The following SEMA5A variants were observed in gnomAD, a reference collection of about 807,000 sequenced individuals.
SEMA5A encodes the protein semaphorin 5A, also known as semaphorin-5A.
SEMA5A carries 55 observed loss-of-function variants against 135.5 expected under a neutral mutation model. The observed-to-expected ratio is 0.41, with a 90% CI of 0.33 to 0.51. The LOEUF (loss-of-function observed/expected upper bound fraction) is 0.51. SEMA5A is among the 20% of genes least tolerant of loss of function. The probability of loss-of-function intolerance (pLI) is 0.37; values close to 1 mark genes in which losing one functional copy is unlikely to be tolerated. For synonymous variants in SEMA5A, 580 were observed against 546.5 expected, an observed-to-expected ratio of 1.06 and a Z score of -0.85; for missense variants, 1,290 against 1,419.9, an observed-to-expected ratio of 0.91 and a Z score of 1.47.
intron 9 of SEMA5A, among the ~76,000 whole-genome samples, chr5:9,199,466 C>T (rs879272999): frequency 1.3e-5 from 2 of 152,198 alleles, no homozygotes; most frequent in Non-Finnish European, 2.9e-5. Flanking sequence ...AGTACATATT[C>T]ACTCGCTTCT....
chr5:9,061,201 T>C lies in SEMA5A; in HGVS notation c.2518+1686A>G, dbSNP rs1396539689. On this transcript the variant is annotated intron_variant, in intron 18 of 22. Transcript: ENST00000382496. ...TGCACTCTCCCTAAACTCTTAAGTT[T>C]CTTTCTGACCTGGATCATAACACTG... Among the ~76,000 whole-genome samples, 17 of 152,136 alleles carry C rather than the reference T, an allele frequency of 1.1e-4. No homozygotes were observed. The East Asian group carries it at 3.1e-3, about 28-fold the overall frequency.
chr5:9,237,750 CT>C (rs1747986575), intron 6 of SEMA5A, 77 bp downstream of exon 6: 2 of 1,316,456 alleles, frequency 1.5e-6, no homozygotes, highest in African/African-American at 2.9e-5. Context: ...CAGGAATACT[CT>C]TCATATCAAC....
In SEMA5A at chr5:9,468,261, A is replaced by G. The variant is rs896751321; in HGVS notation, c.-174-30409T>C. 5.9e-5 allele frequency among the ~76,000 whole-genome samples: 9 copies of G among 152,284 alleles called. No individual in the cohort carries two copies. The East Asian group carries it at 7.7e-4, about 13-fold the overall frequency. On this transcript the variant is annotated intron_variant, in intron 1 of 22. Coordinates refer to ENST00000382496, the MANE Select transcript of SEMA5A (RefSeq NM_003966.3). Reference sequence around the variant, plus strand: ...CAGTAAATGACAGTAATTTTGCCCAATTAGAAATGTCTGACTTGAGATGTT... The same window carrying G: ...CAGTAAATGACAGTAATTTTGCCCAGTTAGAAATGTCTGACTTGAGATGTT...
At chr5:9,206,235 C>G (rs569253351) in intron 8 of SEMA5A, among the ~76,000 whole-genome samples, 1 of 152,170 alleles carries the variant, frequency 6.6e-6, no homozygotes, top group Non-Finnish European at 1.5e-5. Context: ...AAAACAGGCA[C>G]GTCAGCTGCT....
chr5:9,196,525 G>A (rs1745394275), intron 10 of SEMA5A, among the ~76,000 whole-genome samples: 1 of 152,152 alleles, frequency 6.6e-6, no homozygotes, highest in African/African-American at 2.4e-5. Context: ...TTTTCTTACG[G>A]TAGTCCAAAC....
rs146112362 is a variant in SEMA5A at position 9,158,226 on chromosome 5, G to C, written c.1274-3531C>G. Among the ~76,000 whole-genome samples, 17 of 152,258 alleles carry C rather than the reference G, an allele frequency of 1.1e-4. No homozygotes were observed. In the East Asian group the frequency reaches 3.3e-3, roughly 30 times the overall value. Reference sequence around the variant, plus strand: ...TTTTTCCCATTATAATCTCTAGCAGGAGTTATGATATTAGTCAGTGTGAAG... The same window carrying C: ...TTTTTCCCATTATAATCTCTAGCAGCAGTTATGATATTAGTCAGTGTGAAG... On this transcript the variant is annotated intron_variant, in intron 11 of 22. Coordinates refer to ENST00000382496, the MANE Select transcript of SEMA5A (RefSeq NM_003966.3).
intron 5 of SEMA5A, among the ~76,000 whole-genome samples, chr5:9,269,547 C>A (rs1749859946): frequency 6.6e-6 from 1 of 151,948 alleles, no homozygotes; most frequent in Middle Eastern, 3.4e-3. Context: ...CCCTAATTAC[C>A]AAAAAATGGT....
At chr5:9,388,891 T>A (rs1756019994) in intron 2 of SEMA5A, among the ~76,000 whole-genome samples, 1 of 145,790 alleles carries the variant, frequency 6.9e-6, no homozygotes, top group Non-Finnish European at 1.5e-5. Flanking sequence ...ACAGCGAGAC[T>A]CCGTCTCAAA....
intron 2 of SEMA5A, among the ~76,000 whole-genome samples, chr5:9,399,928 T>TATGTATGTATACC (rs1756576931): frequency 6.6e-6 from 1 of 152,002 alleles, no homozygotes; most frequent in Non-Finnish European, 1.5e-5. Context: ...AAGATACTGG[T>TATGTATGTATACC]ATACATACAA....
rs529758786 is a variant in SEMA5A at position 9,514,821 on chromosome 5, A to T, written c.-175+30763T>A. Among the ~76,000 whole-genome samples the T allele has an allele frequency of 1.4e-4, 22 of 152,246 alleles. No individual in the cohort carries two copies. In the South Asian group the frequency reaches 4.1e-3, roughly 29 times the overall value. On this transcript the variant is annotated intron_variant, in intron 1 of 22. Transcript: ENST00000382496. The stretch of plus-strand genomic sequence containing the variant: ...CTTGCAAATGAAAATATGCTTGCTA[A>T]GGTTCCTTCAAAAAGATCATTCTTA...
intron 11 of SEMA5A, among the ~76,000 whole-genome samples, chr5:9,162,214 C>T (rs1213706982): frequency 1.3e-5 from 2 of 152,016 alleles, no homozygotes; most frequent in African/African-American, 4.8e-5. Flanking sequence ...CCTGACTGAC[C>T]TCCCAAACAG....
chr5:9,296,921 A>T lies in SEMA5A; in HGVS notation c.270+21451T>A. 1.4e-5 allele frequency among the ~76,000 whole-genome samples: 2 copies of T among 147,462 alleles called. 1 individual carries two copies. Among genetic ancestry groups the T allele is most frequent in the South Asian group, 4.3e-4 (2 of 4,652 alleles). ...TGATCTCAAAAAAAAAAAAAAAAAA[A>T]GATATAAAAACATTTCCTTAGGGAG... On this transcript the variant is annotated intron_variant, in intron 5 of 22. Transcript: ENST00000382496.
At chr5:9,251,400 C>T (rs1748778399) in intron 5 of SEMA5A, among the ~76,000 whole-genome samples, 1 of 152,166 alleles carries the variant, frequency 6.6e-6, no homozygotes, top group African/African-American at 2.4e-5. Context: ...GCATTTCTTC[C>T]TTAATCAGCC....
chr5:9,316,696 TACA>T (rs1752407341), intron 5 of SEMA5A, among the ~76,000 whole-genome samples: 1 of 152,330 alleles, frequency 6.6e-6, no homozygotes, highest in Admixed American at 6.5e-5. Context: ...ATTGATAGTG[TACA>T]ACATGTCACT....
At position 9,305,556 on chromosome 5, in the gene SEMA5A, T is replaced by A. The variant is rs116701639; in HGVS notation, c.270+12816A>T. On this transcript the variant is annotated intron_variant, in intron 5 of 22. Coordinates refer to ENST00000382496, the MANE Select transcript of SEMA5A (RefSeq NM_003966.3). ...TTTTTTGTATTAGAGTGACCACCGA[T>A]GTCACTATCCTTAAGGTTCTAGTTG... Among the ~76,000 whole-genome samples, 806 of 152,114 alleles carry A rather than the reference T, an allele frequency of 5.3e-3. 8 individuals carry two copies. Among genetic ancestry groups the A allele is most frequent in the African/African-American group, 0.018 (768 of 41,514 alleles).
chr5:9,295,653 G>C (rs1033027919), intron 5 of SEMA5A, among the ~76,000 whole-genome samples: 4 of 152,180 alleles, frequency 2.6e-5, no homozygotes, highest in East Asian at 1.9e-4. Context: ...ATGCACCAAG[G>C]CTGCAGATAC....
At chr5:9,464,511 A>T (rs182449298) in intron 1 of SEMA5A, among the ~76,000 whole-genome samples, 282 of 152,330 alleles carry the variant, frequency 1.9e-3, no homozygotes, top group African/African-American at 6.5e-3. Flanking sequence ...TCATGTTTTA[A>T]ATAATTTTAA....
intron 5 of SEMA5A, among the ~76,000 whole-genome samples, chr5:9,254,636 A>T (rs1051432828): frequency 1.3e-4 from 19 of 151,542 alleles, no homozygotes; most frequent in South Asian, 6.2e-4. Flanking sequence ...TTTTTTTTTT[A>T]AATTTAAGAG....
chr5:9,408,605 AG>A (rs1273505034), intron 2 of SEMA5A, among the ~76,000 whole-genome samples: 1 of 152,192 alleles, frequency 6.6e-6, no homozygotes, highest in Admixed American at 6.5e-5. Context: ...CATGGTACTA[AG>A]TATTTTATAT....
Sources: gnomAD v4.1 joint callset for allele counts (sites outside exome capture counted in the v4.1 genomes callset) on GRCh38, gnomAD v4.1.1 for gene constraint, MANE v1.5 for transcripts, NCBI Gene and HGNC (gene_info 2026-07-23, HGNC 2026-07-21) for gene names.